GPC5: variants seen among roughly 807,000 people sequenced by gnomAD.
The protein encoded by GPC5 is glypican-5.
GPC5 carries 47 observed loss-of-function variants against 53.9 expected under a neutral mutation model. The observed-to-expected ratio is 0.87, with a 90% CI of 0.69 to 1.11. The LOEUF (loss-of-function observed/expected upper bound fraction) is 1.11. Ranked by LOEUF, GPC5 falls within the 50% of genes most tolerant of loss-of-function variation. The pLI is 0.00. For missense variants in GPC5, 748 were observed against 713.1 expected, an observed-to-expected ratio of 1.05 and a Z score of -0.56; for synonymous variants, 286 against 263.3, an observed-to-expected ratio of 1.09 and a Z score of -0.84.
chr13:92,120,161 A>G (rs182365250), intron 6 of GPC5, among the ~76,000 whole-genome samples: 122 of 152,326 alleles, frequency 8.0e-4, no homozygotes, highest in Admixed American at 2.6e-3. Context: ...TAATTTACAG[A>G]CTGTAAGATA....
rs547945151 is a variant in GPC5 at position 92,097,220 on chromosome 13, A to T, written c.1402-47610A>T. ...CTGTTATGCGGAAAGGAGAACACAT[A>T]AATTGTACATTTAGCTGAAGAGGTT... On this transcript the variant is annotated intron_variant, in intron 6 of 7. Coordinates refer to ENST00000377067, the MANE Select transcript of GPC5 (RefSeq NM_004466.6). Among the ~76,000 whole-genome samples, 44 of 152,330 alleles carry T rather than the reference A, an allele frequency of 2.9e-4. 1 individual carries two copies. Among genetic ancestry groups the T allele is most frequent in the African/African-American group, 9.6e-4 (40 of 41,588 alleles).
At chr13:92,639,373 T>A (rs1212085030) in intron 7 of GPC5, among the ~76,000 whole-genome samples, 1 of 152,224 alleles carries the variant, frequency 6.6e-6, no homozygotes, top group Non-Finnish European at 1.5e-5. Context: ...GTTTCCCACC[T>A]GTTCTGTACT....
At chr13:91,478,834 C>CACACAT (rs1883112113) in intron 2 of GPC5, among the ~76,000 whole-genome samples, 2 of 78,396 alleles carry the variant, frequency 2.6e-5, no homozygotes, top group Non-Finnish European at 5.3e-5. Context: ...CACACACACA[C>CACACAT]ATATATATAC....
rs184116059 is a variant in GPC5, at chr13:92,110,436, C to T, written c.1402-34394C>T. ...CCTTCTGCAGCTTCCATGAATTATT[C>T]TATCATGGCATATTTAAGGGTATTC... On this transcript the variant is annotated intron_variant, in intron 6 of 7. Transcript: ENST00000377067. Among the ~76,000 whole-genome samples the T allele has an allele frequency of 9.7e-4, 147 of 152,034 alleles. 1 individual carries two copies. Among genetic ancestry groups the T allele is most frequent in the African/African-American group, 3.4e-3 (141 of 41,466 alleles).
At chr13:92,007,899 A>G (rs1037800748) in intron 6 of GPC5, among the ~76,000 whole-genome samples, 3 of 152,076 alleles carry the variant, frequency 2.0e-5, no homozygotes, top group African/African-American at 7.2e-5. Context: ...ACCTTCACAT[A>G]TGAGGACTCC....
intron 7 of GPC5, among the ~76,000 whole-genome samples, chr13:92,696,424 G>C (rs1887559001): frequency 1.3e-5 from 2 of 152,276 alleles, no homozygotes; most frequent in South Asian, 4.1e-4. Flanking sequence ...CTGTGGTTTT[G>C]ATTTGCATTT....
intron 7 of GPC5, among the ~76,000 whole-genome samples, chr13:92,864,802 A>AGATTT (rs747570549): frequency 2.0e-5 from 3 of 152,190 alleles, no homozygotes; most frequent in Non-Finnish European, 4.4e-5. Context: ...AGATCAGCAG[A>AGATTT]GCTTTGCTTC....
intron 6 of GPC5, among the ~76,000 whole-genome samples, chr13:91,933,002 T>A (rs1021548574): frequency 6.6e-6 from 1 of 152,062 alleles, no homozygotes; most frequent in African/African-American, 2.4e-5. Context: ...GCTTTGTTAA[T>A]ATGCATTTGA....
At chr13:91,705,469 G>A (rs994456774) in intron 3 of GPC5, among the ~76,000 whole-genome samples, 2 of 152,180 alleles carry the variant, frequency 1.3e-5, no homozygotes, top group African/African-American at 2.4e-5. Flanking sequence ...ATTAGGATGT[G>A]TACTAAACTC....
chr13:91,949,679 G>T (rs1187754672), intron 6 of GPC5, among the ~76,000 whole-genome samples: 2 of 152,154 alleles, frequency 1.3e-5, no homozygotes, highest in African/African-American at 4.8e-5. Flanking sequence ...ACTAAATTAG[G>T]TTTGTGAAAA....
rs80173400 is a variant in GPC5, at chr13:92,305,432, A to G, written c.1561+160443A>G. Among the ~76,000 whole-genome samples, 1,509 of 152,296 alleles carry G rather than the reference A, an allele frequency of 9.9e-3. 23 individuals carry two copies. Among genetic ancestry groups the G allele is most frequent in the African/African-American group, 0.034 (1,417 of 41,554 alleles). On this transcript the variant is annotated intron_variant, in intron 7 of 7. Transcript: ENST00000377067. The stretch of plus-strand genomic sequence containing the variant: ...TGTTATAGTATACACTGAAAAACAA[A>G]ATATCTGTACCCCAGCCTCTACCCT...
chr13:92,162,817 T>A (rs903158597), intron 7 of GPC5, among the ~76,000 whole-genome samples: 3 of 152,078 alleles, frequency 2.0e-5, no homozygotes, highest in African/African-American at 7.3e-5. Context: ...ACTCAATACT[T>A]TTTTTCTGTG....
intron 7 of GPC5, among the ~76,000 whole-genome samples, chr13:92,323,451 A>T (rs2043229487): frequency 6.6e-6 from 1 of 151,420 alleles, no homozygotes; most frequent in Non-Finnish European, 1.5e-5. Context: ...ACTAGTTTGA[A>T]CTGATTAGAT....
At chr13:92,217,898 G>A (rs796458259) in intron 7 of GPC5, among the ~76,000 whole-genome samples, 10 of 144,906 alleles carry the variant, frequency 6.9e-5, no homozygotes, top group African/African-American at 2.3e-4. Context: ...CCATGGCACT[G>A]GTATTATTTC....
chr13:92,030,367 T>C (rs1434624256), intron 6 of GPC5, among the ~76,000 whole-genome samples: 1 of 152,170 alleles, frequency 6.6e-6, no homozygotes, highest in Non-Finnish European at 1.5e-5. Context: ...TTCCTCTTCT[T>C]TCTGTTGCAT....
At chr13:91,623,612 T>C (rs571889023) in intron 2 of GPC5, among the ~76,000 whole-genome samples, 1 of 152,234 alleles carries the variant, frequency 6.6e-6, no homozygotes, top group African/African-American at 2.4e-5. Flanking sequence ...TAACAGGCAG[T>C]CTCTAAATGG....
intron 6 of GPC5, among the ~76,000 whole-genome samples, chr13:92,049,295 T>C (rs1370836818): frequency 1.3e-5 from 2 of 152,168 alleles, no homozygotes; most frequent in African/African-American, 4.8e-5. Flanking sequence ...TTTAAATGGC[T>C]TTATTTTTGC....
At chr13:92,149,313 A>T (rs2041890692) in intron 7 of GPC5, among the ~76,000 whole-genome samples, 1 of 152,106 alleles carries the variant, frequency 6.6e-6, no homozygotes, top group African/African-American at 2.4e-5. Context: ...CTCTGATAGC[A>T]CTATCCAGTT....
chr13:91,440,446 A>G (rs1055458765), intron 1 of GPC5, among the ~76,000 whole-genome samples: 2 of 152,196 alleles, frequency 1.3e-5, no homozygotes, highest in African/African-American at 2.4e-5. Flanking sequence ...CAGTTACAGA[A>G]TTTCCATTTT....
Sources: gnomAD v4.1 joint callset for allele counts (sites outside exome capture counted in the v4.1 genomes callset) on GRCh38, gnomAD v4.1.1 for gene constraint, MANE v1.5 for transcripts, NCBI Gene and HGNC (gene_info 2026-07-23, HGNC 2026-07-21) for gene names.